ANAPC10: variants seen among roughly 807,000 people sequenced by gnomAD.
ANAPC10 encodes anaphase-promoting complex subunit 10.
A neutral mutation model predicts 22.0 loss-of-function variants in ANAPC10; 12 were observed. The ratio of observed to expected loss-of-function variants is 0.55; its 90% confidence interval spans 0.35 to 0.88. ANAPC10 has a LOEUF of 0.88. ANAPC10 is among the 40% of genes least tolerant of loss of function. The probability of loss-of-function intolerance (pLI) is 0.01; values close to 1 mark genes in which losing one functional copy is unlikely to be tolerated. For missense variants in ANAPC10, 188 were observed against 220.9 expected (o/e 0.85, Z 0.94); for synonymous variants, 65 against 69.5 (o/e 0.94, Z 0.32).
chr4:145,022,091 A>T (rs566687404), intron 4 of ANAPC10, among the ~76,000 whole-genome samples: 1 of 152,352 alleles, frequency 6.6e-6, no homozygotes, highest in South Asian at 2.1e-4. Context: ...TATGGAAAAC[A>T]GTATGGAGAT....
At chr4:145,078,193 T>C (rs913501360) in intron 3 of ANAPC10, among the ~76,000 whole-genome samples, 10 of 151,750 alleles carry the variant, frequency 6.6e-5, no homozygotes, top group African/African-American at 2.2e-4. Flanking sequence ...ACAAAATCAA[T>C]ATACAAAAAT....
At chr4:145,001,143 C>A (rs1732484352) in intron 4 of ANAPC10, among the ~76,000 whole-genome samples, 1 of 149,468 alleles carries the variant, frequency 6.7e-6, no homozygotes, top group Admixed American at 6.7e-5. Context: ...TGTAACAAAC[C>A]TGCACATTGT....
intron 4 of ANAPC10, among the ~76,000 whole-genome samples, chr4:145,038,631 C>A (rs1458318475): frequency 6.6e-6 from 1 of 151,892 alleles, no homozygotes; most frequent in Non-Finnish European, 1.5e-5. Flanking sequence ...TCGAGACCAG[C>A]CTAACATGAT....
intron 4 of ANAPC10, among the ~76,000 whole-genome samples, chr4:145,002,075 TCTC>T (rs2126861293): frequency 1.3e-5 from 2 of 152,262 alleles, no homozygotes; most frequent in South Asian, 2.1e-4. Context: ...TCTCACTACT[TCTC>T]CTTTACTAAC....
chr4:145,091,154 T>A (rs910909993), intron 2 of ANAPC10, among the ~76,000 whole-genome samples: 2 of 152,348 alleles, frequency 1.3e-5, no homozygotes, highest in African/African-American at 4.8e-5. Context: ...TTTTAAGTGA[T>A]CCTGCCACTC....
intron 4 of ANAPC10, among the ~76,000 whole-genome samples, chr4:145,001,170 A>T (rs949922356): frequency 2.7e-5 from 4 of 146,058 alleles, no homozygotes; most frequent in Non-Finnish European, 6.0e-5. Flanking sequence ...GTACCCTAGA[A>T]CTTAAAGTAT....
intron 4 of ANAPC10, among the ~76,000 whole-genome samples, chr4:145,002,384 C>A (rs528794112): frequency 6.6e-6 from 1 of 151,998 alleles, no homozygotes; most frequent in African/African-American, 2.4e-5. Context: ...GTGAAGAAGG[C>A]GACCACCTAA....
At chr4:145,050,787 T>C (rs1332916865) in intron 4 of ANAPC10, among the ~76,000 whole-genome samples, 1 of 152,208 alleles carries the variant, frequency 6.6e-6, no homozygotes, top group African/African-American at 2.4e-5. Context: ...TCTCTCAGCC[T>C]TCCTAATATT....
intron 4 of ANAPC10, among the ~76,000 whole-genome samples, chr4:145,043,563 G>A (rs955977075): frequency 2.0e-4 from 30 of 151,996 alleles, no homozygotes; most frequent in African/African-American, 7.0e-4. Context: ...CTGTAAAACC[G>A]CAAAATCCCT....
At chr4:145,075,983 T>G (rs1230680743) in intron 3 of ANAPC10, among the ~76,000 whole-genome samples, 1 of 152,134 alleles carries the variant, frequency 6.6e-6, no homozygotes, top group Non-Finnish European at 1.5e-5. Context: ...GAGCAACACT[T>G]TGTCTGCCAG....
At chr4:145,019,057 C>T (rs1735624035) in intron 4 of ANAPC10, among the ~76,000 whole-genome samples, 1 of 152,100 alleles carries the variant, frequency 6.6e-6, no homozygotes, top group Non-Finnish European at 1.5e-5. Context: ...AGAAAGTCAA[C>T]AAATAAACAA....
At chr4:145,030,285 G>C (rs2127049570) in intron 4 of ANAPC10, among the ~76,000 whole-genome samples, 1 of 152,330 alleles carries the variant, frequency 6.6e-6, no homozygotes, top group African/African-American at 2.4e-5. Flanking sequence ...CCAGTTTACA[G>C]ACCAGAACCC....
At chr4:145,056,171 A>G (rs993226558) in intron 4 of ANAPC10, among the ~76,000 whole-genome samples, 4 of 152,208 alleles carry the variant, frequency 2.6e-5, no homozygotes, top group Non-Finnish European at 4.4e-5. Context: ...CAAGGTCAGC[A>G]TAAGATACAG....
chr4:145,018,384 A>C (rs1385661357), intron 4 of ANAPC10, among the ~76,000 whole-genome samples: 1 of 151,996 alleles, frequency 6.6e-6, no homozygotes, highest in Non-Finnish European at 1.5e-5. Flanking sequence ...CTATAATCCC[A>C]AGGCTTTGGG....
intron 2 of ANAPC10, among the ~76,000 whole-genome samples, chr4:145,088,809 A>G (rs925326106): frequency 1.3e-5 from 2 of 152,112 alleles, no homozygotes; most frequent in African/African-American, 4.8e-5. Flanking sequence ...CTTAAAATCA[A>G]TACTCTTTTT....
intron 3 of ANAPC10, among the ~76,000 whole-genome samples, chr4:145,072,915 G>C (rs902982612): frequency 6.8e-6 from 1 of 146,038 alleles, no homozygotes; most frequent in Non-Finnish European, 1.5e-5. Context: ...TTTTTTTTTA[G>C]GAGACAGGGT....
At chr4:145,014,866 C>G (rs1429522360) in intron 4 of ANAPC10, among the ~76,000 whole-genome samples, 4 of 152,240 alleles carry the variant, frequency 2.6e-5, no homozygotes, top group Non-Finnish European at 5.9e-5. Context: ...TCTCAGGAAG[C>G]CACATCCATA....
chr4:145,047,865 G>A (rs993426942), intron 4 of ANAPC10, among the ~76,000 whole-genome samples: 46 of 152,082 alleles, frequency 3.0e-4, no homozygotes, highest in Admixed American at 3.3e-4. Context: ...TACTAAGGTA[G>A]AACAGTGAAG....
In ANAPC10 at chr4:145,026,945, A is replaced by ATGTG. The variant is rs1553967000; in HGVS notation, c.328-31346_328-31343dup. On this transcript the variant is annotated intron_variant, in intron 4 of 4. Transcript: ENST00000507656. The stretch of plus-strand genomic sequence containing the variant: ...CATATATATATATATATATATATAT[A>ATGTG]TGTGTGTGTGTGTATATATATATAT... Among the ~76,000 whole-genome samples the ATGTG allele has an allele frequency of 2.6e-3, 45 of 17,126 alleles. 1 individual carries two copies. Among genetic ancestry groups the ATGTG allele is most frequent in the African/African-American group, 3.9e-3 (25 of 6,406 alleles). 11.2% of individuals were successfully genotyped at this position (17,126 alleles called of 152,430 possible).
Sources: gnomAD v4.1 joint callset for allele counts (sites outside exome capture counted in the v4.1 genomes callset) on GRCh38, gnomAD v4.1.1 for gene constraint, MANE v1.5 for transcripts, NCBI Gene and HGNC (gene_info 2026-07-23, HGNC 2026-07-21) for gene names.